NCALD: variants seen among roughly 807,000 people sequenced by gnomAD.
NCALD encodes the protein neurocalcin delta, also known as neurocalcin-delta.
Under a neutral mutation model 18.6 loss-of-function variants are expected in NCALD, and 10 were observed. The ratio of observed to expected loss-of-function variants is 0.54; its 90% CI spans 0.33 to 0.91. The LOEUF (loss-of-function observed/expected upper bound fraction) is 0.91. NCALD is among the 40% of genes least tolerant of loss of function. NCALD has a pLI of 0.03. For synonymous variants in NCALD, 88 were observed against 87.4 expected (o/e 1.01, Z -0.04); for missense variants, 184 against 247.6 (o/e 0.74, Z 1.72).
At chr8:101,833,455 T>G (rs1375075734) in intron 4 of NCALD, among the ~76,000 whole-genome samples, 1 of 152,202 alleles carries the variant, frequency 6.6e-6, no homozygotes, top group Non-Finnish European at 1.5e-5. Flanking sequence ...TGAAGTCTCG[T>G]AACAATAACA....
intron 1 of NCALD, among the ~76,000 whole-genome samples, chr8:101,733,442 G>A (rs1049733049): frequency 7.2e-5 from 11 of 152,148 alleles, no homozygotes; most frequent in Non-Finnish European, 1.3e-4. Context: ...CAGTAAAATA[G>A]GCACAATAGC....
At chr8:102,037,522 A>G (rs758206855) in intron 1 of NCALD, among the ~76,000 whole-genome samples, 2 of 152,240 alleles carry the variant, frequency 1.3e-5, no homozygotes, top group Non-Finnish European at 2.9e-5. Context: ...TACACATATC[A>G]TACATGTATT....
At chr8:101,800,652 T>C (rs1034985702) in intron 4 of NCALD, among the ~76,000 whole-genome samples, 3 of 151,166 alleles carry the variant, frequency 2.0e-5, no homozygotes, top group Non-Finnish European at 4.4e-5. Context: ...AAATCAAGAG[T>C]ACAGAAAGGC....
intron 2 of NCALD, among the ~76,000 whole-genome samples, chr8:101,963,531 G>C (rs978881877): frequency 6.6e-5 from 10 of 152,194 alleles, no homozygotes; most frequent in Middle Eastern, 3.2e-3. Context: ...CTGCCGGACA[G>C]AACTAGCACT....
At chr8:101,706,578 T>G (rs1330151682) in intron 2 of NCALD, among the ~76,000 whole-genome samples, 2 of 152,250 alleles carry the variant, frequency 1.3e-5, no homozygotes, top group Non-Finnish European at 2.9e-5. Flanking sequence ...AACCTGTGAA[T>G]GTGACCTTGT....
Position 101,741,884 on chromosome 8 carries a change from C to G in NCALD, c.-19-22236G>C, listed in dbSNP as rs1007907977. On this transcript the variant is annotated intron_variant, in intron 1 of 3. Transcript: ENST00000220931. Reference sequence around the variant, plus strand: ...CCCAGGAGGTCAAGGCTGCAGCAAGCCATGATGGCACCACTGCACTCCAGC... The same window carrying G: ...CCCAGGAGGTCAAGGCTGCAGCAAGGCATGATGGCACCACTGCACTCCAGC... Among the ~76,000 whole-genome samples the G allele has an allele frequency of 4.1e-5, 6 of 145,484 alleles. No homozygotes were observed. In the Admixed American group the frequency reaches 4.2e-4, roughly 10 times the overall value.
chr8:101,918,819 A>G (rs761586466), intron 2 of NCALD, among the ~76,000 whole-genome samples: 19 of 151,916 alleles, frequency 1.3e-4, no homozygotes. Context: ...AGATCTCTAC[A>G]AGGAAAACTA....
intron 4 of NCALD, among the ~76,000 whole-genome samples, chr8:101,836,740 A>C (rs1814429069): frequency 6.6e-6 from 1 of 152,242 alleles, no homozygotes; most frequent in African/African-American, 2.4e-5. Flanking sequence ...ATTCCTCAGT[A>C]AGACAATTTT....
chr8:101,835,599 A>AT (rs1436743965), intron 4 of NCALD, among the ~76,000 whole-genome samples: 4 of 152,190 alleles, frequency 2.6e-5, no homozygotes, highest in Non-Finnish European at 5.9e-5. Flanking sequence ...GCCCTGAGGA[A>AT]TGCTGCATGG....
intron 2 of NCALD, among the ~76,000 whole-genome samples, chr8:101,925,077 C>T (rs149197638): frequency 1.3e-5 from 2 of 151,946 alleles, no homozygotes; most frequent in African/African-American, 4.8e-5. Context: ...AAAAAAATAA[C>T]ACAAAGAAAC....
intron 4 of NCALD, among the ~76,000 whole-genome samples, chr8:101,800,656 G>C (rs949743181): frequency 6.6e-6 from 1 of 151,368 alleles, no homozygotes; most frequent in Non-Finnish European, 1.5e-5. Context: ...CAAGAGTACA[G>C]AAAGGCTAAA....
intron 4 of NCALD, among the ~76,000 whole-genome samples, chr8:101,838,817 T>G (rs1309402264): frequency 5.3e-5 from 8 of 152,224 alleles, no homozygotes; most frequent in Non-Finnish European, 1.0e-4. Context: ...CGTGCAACAC[T>G]GCTAATATCA....
At chr8:101,690,707 A>G in intron 3 of NCALD, 1 of 985,372 alleles carries the variant, frequency 1.0e-6, no homozygotes, top group South Asian at 4.7e-5. Flanking sequence ...TTATTAATTT[A>G]TTTTTAATTT....
intron 4 of NCALD, among the ~76,000 whole-genome samples, chr8:101,819,465 G>C (rs1330006289): frequency 6.6e-6 from 1 of 151,828 alleles, no homozygotes; most frequent in African/African-American, 2.4e-5. Flanking sequence ...TACTTATTGA[G>C]ACCCAGTTTT....
At chr8:101,712,524 T>C (rs887216430) in intron 2 of NCALD, among the ~76,000 whole-genome samples, 2 of 138,140 alleles carry the variant, frequency 1.4e-5, no homozygotes, top group African/African-American at 5.5e-5. Context: ...TCATCTCACA[T>C]GCAAAGACAC....
Position 101,689,008 on chromosome 8 carries a change from T to C in NCALD, c.*301A>G. The C allele has an allele frequency of 1.4e-6, 1 of 692,912 alleles. No homozygotes were observed. Among genetic ancestry groups the C allele is most frequent in the Non-Finnish European group, 2.6e-6 (1 of 381,126 alleles). The allele number at this position is 692,912 out of a possible 1,614,324, so 42.9% of individuals were successfully genotyped here. On this transcript the variant is annotated 3_prime_UTR_variant, in exon 4 of 4. Transcript: ENST00000220931. The surrounding 1 kb of genome is among the most constrained non-coding windows in gnomAD (Gnocchi z 4.4). ...CCCTTCTTTTGCCCCAACCCCCGAG[T>C]CTTACGTTTTAGAACAGAGACATTA...
At chr8:101,938,259 T>C (rs72679050) in intron 2 of NCALD, among the ~76,000 whole-genome samples, 62 of 152,364 alleles carry the variant, frequency 4.1e-4, no homozygotes, top group Non-Finnish European at 7.5e-4. Flanking sequence ...TTATTTTATA[T>C]GATACATATA....
chr8:101,949,056 C>T (rs1033712011), intron 2 of NCALD, among the ~76,000 whole-genome samples: 13 of 152,158 alleles, frequency 8.5e-5, no homozygotes, highest in Non-Finnish European at 2.9e-5. Flanking sequence ...CCAGGTGCCA[C>T]GTGTTCCAAG....
intron 1 of NCALD, among the ~76,000 whole-genome samples, chr8:102,081,292 G>A (rs1441787812): frequency 6.6e-6 from 1 of 152,042 alleles, no homozygotes; most frequent in Non-Finnish European, 1.5e-5. Context: ...AATATAACCA[G>A]CCTACAACTG....
Sources: gnomAD v4.1 joint callset for allele counts (sites outside exome capture counted in the v4.1 genomes callset) on GRCh38, gnomAD v4.1.1 for gene constraint, Gnocchi (gnomAD v3.1) non-coding constraint, MANE v1.5 for transcripts, NCBI Gene and HGNC (gene_info 2026-07-23, HGNC 2026-07-21) for gene names.